Variants in MARK3 observed in about 807,000 individuals in gnomAD.
The protein encoded by MARK3 is MAP/microtubule affinity-regulating kinase 3.
MARK3 carries 46 observed loss-of-function variants against 90.1 expected under a neutral mutation model. The ratio of observed to expected loss-of-function variants is 0.51; its 90% confidence interval spans 0.40 to 0.65. The LOEUF is 0.65. Ranked by LOEUF, MARK3 falls within the 30% of genes least tolerant of loss-of-function variation. The pLI is 0.00. For synonymous variants in MARK3, 321 were observed against 332.6 expected (o/e 0.97, Z 0.38); for missense variants, 818 against 947.2 (o/e 0.86, Z 1.79).
chr14:103,494,236 C>CAA (rs71126032), intron 15 of MARK3, among the ~76,000 whole-genome samples: 2,881 of 79,790 alleles, frequency 0.036, 240 homozygotes, highest in African/African-American at 0.15. Context: ...GACTCCATCT[C>CAA]AAAAAAAAAA....
Position 103,475,193 on chromosome 14 carries a change from AG to A in MARK3, c.1466del (p.Ser489ThrfsTer14). The A allele has an allele frequency of 6.2e-7, 1 of 1,613,228 alleles. No individual in the cohort carries two copies. The highest frequency in any genetic ancestry group is 8.5e-7 in the Non-Finnish European group (1 of 1,179,992). ...NKADIPERKK[S>X]STVPSSNTAS... ...GGCGGATATTCCTGAACGCAAGAAA[AG>A]CTCCACTGTCCCTAGTGTAAGTGTT... On this transcript the variant is annotated frameshift_variant, in exon 13 of 18. Transcript: ENST00000429436. LOFTEE classifies it high-confidence loss of function.
intron 1 of MARK3, among the ~76,000 whole-genome samples, chr14:103,395,343 T>A (rs893248865): frequency 1.7e-4 from 24 of 143,032 alleles, no homozygotes; most frequent in Middle Eastern, 3.4e-3. Context: ...TTTTTTTTTT[T>A]AAATCAAAAG....
intron 3 of MARK3, among the ~76,000 whole-genome samples, chr14:103,444,368 G>A (rs966910290): frequency 6.6e-6 from 1 of 152,096 alleles, no homozygotes; most frequent in Non-Finnish European, 1.5e-5. Flanking sequence ...GATATAGATT[G>A]ATCAGTAAGG....
chr14:103,476,244 A>G (rs907077530), intron 13 of MARK3, among the ~76,000 whole-genome samples: 10 of 152,226 alleles, frequency 6.6e-5, no homozygotes, highest in Non-Finnish European at 1.2e-4. Flanking sequence ...GTGACAGTGC[A>G]GATGGAAGCC....
intron 6 of MARK3, among the ~76,000 whole-genome samples, chr14:103,461,079 CCTCTGAGATTTTATGT>C: frequency 6.6e-6 from 1 of 152,242 alleles, no homozygotes; most frequent in African/African-American, 2.4e-5. Context: ...ATTATACAGC[CCTCTGAGATTTTATGT>C]CCACGGGTGG....
intron 3 of MARK3, among the ~76,000 whole-genome samples, chr14:103,434,486 A>T (rs2092667972): frequency 6.6e-6 from 1 of 152,216 alleles, no homozygotes; most frequent in African/African-American, 2.4e-5. Context: ...AGAGGGGCAA[A>T]AGCATTGTTA....
At chr14:103,407,468 C>T (rs1356605608) in intron 2 of MARK3, among the ~76,000 whole-genome samples, 2 of 151,026 alleles carry the variant, frequency 1.3e-5, no homozygotes, top group Non-Finnish European at 2.9e-5. Flanking sequence ...AGCCCCGTTC[C>T]TATTAATCAA....
rs563906413 is a variant in MARK3, at chr14:103,422,298, A to G, written c.244-6089A>G. ...TGGTGAAACCCTGTCTCTACTAAAA[A>G]TACAAAAATTAGCTGGGCATGGTGT... On this transcript the variant is annotated intron_variant, in intron 2 of 17. Coordinates refer to ENST00000429436, the MANE Select transcript of MARK3 (RefSeq NM_001128918.3). Among the ~76,000 whole-genome samples the G allele has an allele frequency of 5.9e-5, 9 of 152,334 alleles. No homozygotes were observed. The East Asian group carries it at 1.7e-3, about 29-fold the overall frequency.
chr14:103,414,424 T>C (rs142161035), intron 2 of MARK3, among the ~76,000 whole-genome samples: 15 of 152,286 alleles, frequency 9.8e-5, no homozygotes, highest in Non-Finnish European at 2.1e-4. Context: ...AGGCTGGTCT[T>C]GAACTCCCGA....
At chr14:103,455,752 C>G (rs2093264468) in intron 5 of MARK3, among the ~76,000 whole-genome samples, 1 of 149,016 alleles carries the variant, frequency 6.7e-6, no homozygotes, top group African/African-American at 2.5e-5. Context: ...AAGCATTATG[C>G]AATCAAGTAA....
intron 1 of MARK3, among the ~76,000 whole-genome samples, chr14:103,386,919 G>C (rs575972214): frequency 6.6e-6 from 1 of 152,318 alleles, no homozygotes; most frequent in South Asian, 2.1e-4. Context: ...TAGAGAATGA[G>C]AACTTGTAGT....
At chr14:103,500,306 T>C (rs1419998580) in intron 17 of MARK3, 106 bp downstream of exon 17, 12 of 844,042 alleles carry the variant, frequency 1.4e-5, no homozygotes, top group Non-Finnish European at 2.0e-5. Flanking sequence ...CTGCTGTCTC[T>C]GTAGGAGTTA....
chr14:103,434,302 G>C (rs34411783), intron 3 of MARK3, among the ~76,000 whole-genome samples: 2 of 151,960 alleles, frequency 1.3e-5, no homozygotes, highest in African/African-American at 4.8e-5. Context: ...GCAACGAGAA[G>C]TGTCATGAAC....
Position 103,503,378 on chromosome 14 carries a change from C to T in MARK3, c.*151C>T. ...ACGAGAGCACGCCTGGGAGCGAAAG[C>T]TGGCCTTTTTTCTACGAATGCACTA... is the stretch of plus-strand genomic sequence containing the variant. On this transcript the variant is annotated 3_prime_UTR_variant, in exon 18 of 18. Transcript: ENST00000429436. The T allele has an allele frequency of 1.3e-6, 1 of 743,718 alleles. No homozygotes were observed. Among genetic ancestry groups the T allele is most frequent in the Non-Finnish European group, 2.1e-6 (1 of 469,794 alleles). The allele number at this position is 743,718 out of a possible 1,614,324, so 46.1% of individuals were successfully genotyped here.
chr14:103,447,240 A>G (rs1252070217), intron 3 of MARK3, among the ~76,000 whole-genome samples: 1 of 152,226 alleles, frequency 6.6e-6, no homozygotes. Flanking sequence ...TCAAGGCTAC[A>G]GTGAACTATG....
At position 103,475,113 on chromosome 14, in the gene MARK3, G is replaced by A; in HGVS notation, c.1385G>A (p.Gly462Glu). 1 of 1,614,126 alleles carries A rather than the reference G, an allele frequency of 6.2e-7. No homozygotes were observed. The highest frequency in any genetic ancestry group is 1.1e-5 in the South Asian group (1 of 91,090). ...AAATCAAGTGGCAGTGCTGTTGGAGGAAAGGGAATTGCTCCAGCCAGTCCC... is the reference window on the plus strand; with the variant it reads ...AAATCAAGTGGCAGTGCTGTTGGAGAAAAGGGAATTGCTCCAGCCAGTCCC... ...SRKSSGSAVG[G>E]KGIAPASPML... The change falls in exon 13 of 18, where the codon GGA becomes GAA. Residue 462 changes from glycine (G) to glutamate (E), a missense_variant. Physicochemically the swap from Gly to Glu is moderately conservative, Grantham distance 98 (BLOSUM62 -2). Around this residue, in one of 3 missense-constraint regions of MARK3, gnomAD observed 560 missense variants for 613.5 expected, o/e 0.91. Coordinates refer to ENST00000429436, the MANE Select transcript of MARK3 (RefSeq NM_001128918.3).
intron 14 of MARK3, chr14:103,489,673 C>A (rs1331747168): frequency 6.6e-6 from 1 of 152,108 alleles, no homozygotes; most frequent in Non-Finnish European, 1.5e-5. Flanking sequence ...GAAGAACTTG[C>A]CAGTTTCCAG....
intron 2 of MARK3, among the ~76,000 whole-genome samples, chr14:103,415,392 C>T (rs2091902069): frequency 6.6e-6 from 1 of 152,058 alleles, no homozygotes; most frequent in South Asian, 2.1e-4. Context: ...TCAAAATGCT[C>T]ATTTTATATA....
Position 103,493,874 on chromosome 14 carries a change from C to CAA in MARK3, c.1844+1858_1844+1859dup, listed in dbSNP as rs539464779. On this transcript the variant is annotated intron_variant, in intron 15 of 17. Coordinates refer to ENST00000429436, the MANE Select transcript of MARK3 (RefSeq NM_001128918.3). ...TGGGTGACAAAGTGAGACTGTGTCT[C>CAA]AAAAAAAAAAAAAAAAAAACTTTGA... Among the ~76,000 whole-genome samples, 547 of 87,414 alleles carry CAA rather than the reference C, an allele frequency of 6.3e-3. 9 individuals carry two copies. The highest frequency in any genetic ancestry group is 0.017 in the African/African-American group (379 of 22,214). The allele number at this position is 87,414 out of a possible 152,430, so 57.3% of individuals were successfully genotyped here.
Sources: allele counts gnomAD v4.1 joint callset (sites outside exome capture counted in the v4.1 genomes callset), GRCh38; gene constraint gnomAD v4.1.1; regional missense constraint gnomAD v4.1.1; transcripts MANE v1.5; gene names NCBI Gene and HGNC (gene_info 2026-07-23, HGNC 2026-07-21).